Variants in LMTK2 observed in about 807,000 individuals in gnomAD.
LMTK2 encodes lemur tail kinase 2, also known as serine/threonine-protein kinase LMTK2.
In LMTK2, 37 loss-of-function variants were observed where a neutral mutation model predicts 127.5. That is an observed-to-expected ratio of 0.29 (90% confidence interval 0.22 to 0.38). The LOEUF is 0.38. Ranked by LOEUF, LMTK2 falls within the 10% of genes least tolerant of loss-of-function variation. The pLI is 1.00. For synonymous variants in LMTK2, 819 were observed against 810.1 expected, an observed-to-expected ratio of 1.01 and a Z score of -0.19; for missense variants, 1,694 against 1,920.3, an observed-to-expected ratio of 0.88 and a Z score of 2.20.
chr7:98,146,740 A>AT (rs1244362037), intron 3 of LMTK2, among the ~76,000 whole-genome samples: 1 of 152,076 alleles, frequency 6.6e-6, no homozygotes, highest in African/African-American at 2.4e-5. Flanking sequence ...TTTTTAATGC[A>AT]TTCGTATTTT....
Position 98,137,361 on chromosome 7 carries a change from G to A in LMTK2, c.150G>A (p.Leu50=), listed in dbSNP as rs200103736. The change falls in exon 2 of 14, where the codon CTG becomes CTA. Residue 50 remains leucine (L), a synonymous_variant. Transcript: ENST00000297293. ...AAEVSSSFVI[L]CVCSLIILIV... ...AAGTTTCCTCATCTTTTGTGATCCT[G>A]TGTGTGTGCAGTTTAATAATATTAA... The A allele has an allele frequency of 1.2e-5, 20 of 1,613,666 alleles. No individual in the cohort carries two copies. The African/African-American group carries it at 2.5e-4, about 20-fold the overall frequency.
chr7:98,110,388 C>T (rs893953850), intron 1 of LMTK2, among the ~76,000 whole-genome samples: 9 of 152,058 alleles, frequency 5.9e-5, no homozygotes, highest in African/African-American at 2.2e-4. Flanking sequence ...CCCCTACGCC[C>T]GCCCCGTCTA....
In LMTK2 at chr7:98,193,849, G is replaced by A. The variant is rs1398663905; in HGVS notation, c.3384G>A (p.Leu1128=). 6.2e-7 allele frequency: 1 copy of A among 1,614,062 alleles called. No homozygotes were observed. Among genetic ancestry groups the A allele is most frequent in the Admixed American group, 1.7e-5 (1 of 60,018 alleles). Residue 1128 remains leucine, a synonymous_variant, in exon 11 of 14, where the codon TTG becomes TTA. Transcript: ENST00000297293. The surrounding 1 kb of genome is among the most constrained non-coding windows in gnomAD (Gnocchi z 4.1). ...TCCCGGGAACCTCCCCATCCGCCTT[G>A]GTGTTGGTACAGGAGCAGCCCCTAC... is the stretch of plus-strand genomic sequence containing the variant. ...EEVPGTSPSA[L]VLVQEQPLPE...
chr7:98,205,445 C>T lies in LMTK2; in HGVS notation c.4484-19C>T, dbSNP rs1221156456. 5 of 1,613,756 alleles carry T rather than the reference C, an allele frequency of 3.1e-6. No homozygotes were observed. The highest frequency in any genetic ancestry group is 2.2e-5 in the East Asian group (1 of 44,884). ...TTAAAAACCCAGCTTTGTCGTCTCG[C>T]TTCCTCTCTCCTCAACAGGAAGCAG... On this transcript the variant is annotated intron_variant, in intron 13 of 13. Coordinates refer to ENST00000297293, the MANE Select transcript of LMTK2 (RefSeq NM_014916.4).
At chr7:98,178,897 A>G (rs1381952226) in intron 7 of LMTK2, among the ~76,000 whole-genome samples, 3 of 152,190 alleles carry the variant, frequency 2.0e-5, no homozygotes, top group African/African-American at 7.2e-5. Flanking sequence ...TCTGCTATGC[A>G]TGTGACCAGC....
At chr7:98,179,293 C>T (rs370803732) in intron 7 of LMTK2, among the ~76,000 whole-genome samples, 5 of 152,224 alleles carry the variant, frequency 3.3e-5, no homozygotes, top group African/African-American at 9.6e-5. Context: ...AGCTCGACAT[C>T]GCCCAAGCTA....
chr7:98,126,099 T>A (rs911671421), intron 1 of LMTK2, among the ~76,000 whole-genome samples: 3 of 152,184 alleles, frequency 2.0e-5, no homozygotes, highest in Admixed American at 2.0e-4. Flanking sequence ...TGTAGGAGAT[T>A]TGAAAGAAAA....
At chr7:98,195,731 G>C (rs2116472236) in intron 11 of LMTK2, among the ~76,000 whole-genome samples, 1 of 152,294 alleles carries the variant, frequency 6.6e-6, no homozygotes, top group East Asian at 1.9e-4. Context: ...GCGGGTCCAA[G>C]CACTGTTCCA....
intron 1 of LMTK2, among the ~76,000 whole-genome samples, chr7:98,112,385 G>A (rs954208367): frequency 2.0e-5 from 3 of 152,180 alleles, no homozygotes; most frequent in Non-Finnish European, 2.9e-5. Context: ...TCTGTAAAAC[G>A]GAGAGAATAG....
At chr7:98,140,115 T>TTCC (rs1796657246) in intron 2 of LMTK2, among the ~76,000 whole-genome samples, 1 of 5,094 alleles carries the variant, frequency 2.0e-4, no homozygotes, top group African/African-American at 7.6e-4. Flanking sequence ...TCTTTCTTTC[T>TTCC]TTCTTTCTTT....
intron 11 of LMTK2, among the ~76,000 whole-genome samples, chr7:98,195,915 C>CG (rs1406158801): frequency 6.6e-6 from 1 of 152,130 alleles, no homozygotes; most frequent in Non-Finnish European, 1.5e-5. Flanking sequence ...TAAGGCCAGG[C>CG]GCGGTGGCTT....
In LMTK2 at chr7:98,206,751, T is replaced by C. The variant is rs1474077783; in HGVS notation, c.*1259T>C. The C allele has an allele frequency of 6.6e-6, 1 of 152,218 alleles. No individual in the cohort carries two copies. Among genetic ancestry groups the C allele is most frequent in the East Asian group, 1.9e-4 (1 of 5,186 alleles). The allele number at this position is 152,218 out of a possible 1,614,324, so 9.4% of individuals were successfully genotyped here. On this transcript the variant is annotated 3_prime_UTR_variant, in exon 14 of 14. Coordinates refer to ENST00000297293, the MANE Select transcript of LMTK2 (RefSeq NM_014916.4). ...AGCCGAATCTTCTCCTCCGAGCCACTCCACGTCACGTCCAGCTGGGCCTGG... is the reference window on the plus strand; with the variant it reads ...AGCCGAATCTTCTCCTCCGAGCCACCCCACGTCACGTCCAGCTGGGCCTGG...
At chr7:98,185,376 C>G (rs1269814608) in intron 8 of LMTK2, among the ~76,000 whole-genome samples, 1 of 152,290 alleles carries the variant, frequency 6.6e-6, no homozygotes, top group Non-Finnish European at 1.5e-5. Flanking sequence ...TTTATAAACA[C>G]TGTAAATGAT....
At chr7:98,167,013 A>G (rs1797111142) in intron 6 of LMTK2, among the ~76,000 whole-genome samples, 1 of 152,252 alleles carries the variant, frequency 6.6e-6, no homozygotes, top group African/African-American at 2.4e-5. Context: ...GTCTTTGGCT[A>G]GCTTTAATGT....
intron 1 of LMTK2, among the ~76,000 whole-genome samples, chr7:98,117,527 A>G (rs1226712572): frequency 1.3e-5 from 2 of 151,794 alleles, no homozygotes; most frequent in Non-Finnish European, 2.9e-5. Context: ...CCCCGCTGAC[A>G]TATCCTCATT....
At chr7:98,183,315 C>T (rs1429664426) in intron 7 of LMTK2, among the ~76,000 whole-genome samples, 3 of 152,186 alleles carry the variant, frequency 2.0e-5, no homozygotes, top group Non-Finnish European at 4.4e-5. Flanking sequence ...GAGTCTTCAT[C>T]TGCATAATAA....
chr7:98,157,270 TAGGTAGGTAG>T, intron 5 of LMTK2, among the ~76,000 whole-genome samples: 1 of 151,032 alleles, frequency 6.6e-6, no homozygotes, highest in African/African-American at 2.4e-5. Context: ...GGTAGGTAGG[TAGGTAGGTAG>T]GTAGGTAGGT....
At chr7:98,140,092 T>C (rs1796655207) in intron 2 of LMTK2, among the ~76,000 whole-genome samples, 1 of 2,492 alleles carries the variant, frequency 4.0e-4, no homozygotes, top group East Asian at 0.045. Context: ...CTTTCTTTCT[T>C]TCTTTCTTTC....
chr7:98,191,554 AC>A, intron 10 of LMTK2, 59 bp from the exon 11 acceptor site: 1 of 1,139,100 alleles, frequency 8.8e-7, no homozygotes, highest in Non-Finnish European at 1.2e-6. Context: ...TCCGTCTCGA[AC>A]CAAAAAAAAA....
Sources: gnomAD v4.1 joint callset for allele counts (sites outside exome capture counted in the v4.1 genomes callset) on GRCh38, gnomAD v4.1.1 for gene constraint, Gnocchi (gnomAD v3.1) non-coding constraint, MANE v1.5 for transcripts, NCBI Gene and HGNC (gene_info 2026-07-23, HGNC 2026-07-21) for gene names.